Variants in ROR1 observed in about 807,000 individuals in gnomAD.
ROR1 encodes inactive tyrosine-protein kinase transmembrane receptor ROR1.
Under a neutral mutation model 78.8 loss-of-function variants are expected in ROR1, and 19 were observed. The observed-to-expected ratio is 0.24, with a 90% confidence interval of 0.17 to 0.35. ROR1 has a LOEUF of 0.35. ROR1 is among the 10% of genes least tolerant of loss of function. The pLI is 1.00. For synonymous variants in ROR1, 386 were observed against 433.6 expected, an observed-to-expected ratio of 0.89 and a Z score of 1.36; for missense variants, 917 against 1,177.8, an observed-to-expected ratio of 0.78 and a Z score of 3.24.
intron 1 of ROR1, among the ~76,000 whole-genome samples, chr1:63,847,826 C>T (rs1645090834): frequency 6.6e-6 from 1 of 152,112 alleles, no homozygotes. Context: ...ATACTCCCTG[C>T]TGCTGATAAG....
rs754727384 is a variant in ROR1 at position 64,050,683 on chromosome 1, C to T, written c.452-3C>T. ...TTCTTTTGTTTTTCTTTCATTTCTT[C>T]AGGCCCCCCTCCCACTGCAAGTCCA... On this transcript the variant is annotated splice_region_variant and splice_polypyrimidine_tract_variant and intron_variant, in intron 3 of 8. Coordinates refer to ENST00000371079, the MANE Select transcript of ROR1 (RefSeq NM_005012.4). The T allele has an allele frequency of 2.5e-6, 4 of 1,613,552 alleles. 1 individual carries two copies. In the South Asian group the frequency reaches 4.4e-5, roughly 18 times the overall value.
intron 2 of ROR1, among the ~76,000 whole-genome samples, chr1:64,013,874 T>C (rs1170054503): frequency 4.6e-5 from 7 of 152,264 alleles, no homozygotes; most frequent in African/African-American, 1.4e-4. Flanking sequence ...TAACATGCAG[T>C]AGGAAACATG....
At chr1:63,999,427 A>G (rs1044681118) in intron 1 of ROR1, among the ~76,000 whole-genome samples, 1 of 152,246 alleles carries the variant, frequency 6.6e-6, no homozygotes, top group African/African-American at 2.4e-5. Context: ...CTGGTTTGCC[A>G]TAAGCCACAT....
chr1:63,924,932 C>CTTTTTT (rs751680204), intron 1 of ROR1, among the ~76,000 whole-genome samples: 1 of 85,030 alleles, frequency 1.2e-5, no homozygotes, highest in African/African-American at 3.9e-5. Context: ...AAAGGGGATG[C>CTTTTTT]TTTTTTTTTT....
intron 1 of ROR1, among the ~76,000 whole-genome samples, chr1:63,973,196 TC>T (rs1646132336): frequency 6.6e-6 from 1 of 152,232 alleles, no homozygotes; most frequent in African/African-American, 2.4e-5. Context: ...CTGCCCTGTC[TC>T]CTTCGCAGAG....
rs1487820730 is a variant in ROR1, at chr1:64,083,126, T to C, written c.482+32410T>C. ...TTTGAATCTTATGTTACAGTCATAA[T>C]TGGGAAAGAGTACAGTTAGTCTTGT... On this transcript the variant is annotated intron_variant, in intron 4 of 8. Coordinates refer to ENST00000371079, the MANE Select transcript of ROR1 (RefSeq NM_005012.4). Among the ~76,000 whole-genome samples, 4 of 152,174 alleles carry C rather than the reference T, an allele frequency of 2.6e-5. No individual in the cohort carries two copies. In the East Asian group the frequency reaches 5.8e-4, roughly 22 times the overall value.
chr1:64,076,258 T>C (rs1647049715), intron 4 of ROR1, among the ~76,000 whole-genome samples: 1 of 152,222 alleles, frequency 6.6e-6, no homozygotes, highest in Non-Finnish European at 1.5e-5. Flanking sequence ...TGGACCCTTC[T>C]GTACACACCT....
At chr1:64,108,736 G>T (rs1025583717) in intron 4 of ROR1, among the ~76,000 whole-genome samples, 5 of 152,150 alleles carry the variant, frequency 3.3e-5, no homozygotes, top group African/African-American at 4.8e-5. Context: ...AAATGGAAAA[G>T]TCAGAGAGAT....
intron 8 of ROR1, among the ~76,000 whole-genome samples, chr1:64,165,573 C>A (rs1030074638): frequency 6.6e-6 from 1 of 152,020 alleles, no homozygotes; most frequent in African/African-American, 2.4e-5. Context: ...TAATAAGATC[C>A]CATTTGTCAA....
At chr1:64,080,558 T>A (rs1455852182) in intron 4 of ROR1, among the ~76,000 whole-genome samples, 2 of 152,258 alleles carry the variant, frequency 1.3e-5, no homozygotes, top group East Asian at 1.9e-4. Context: ...CCGTTCTTCA[T>A]GCTGTAGCAA....
intron 1 of ROR1, among the ~76,000 whole-genome samples, chr1:63,894,886 C>T (rs1197985905): frequency 2.6e-5 from 4 of 152,112 alleles, no homozygotes; most frequent in African/African-American, 9.7e-5. Flanking sequence ...CTTAAGTGTA[C>T]TTTATTTTGC....
intron 4 of ROR1, among the ~76,000 whole-genome samples, chr1:64,107,368 A>G (rs1233354359): frequency 6.6e-6 from 1 of 152,352 alleles, no homozygotes; most frequent in Non-Finnish European, 1.5e-5. Flanking sequence ...GTCAAGTGCT[A>G]TACAAATGTG....
At chr1:64,047,774 T>C (rs1646796433) in intron 2 of ROR1, among the ~76,000 whole-genome samples, 1 of 152,186 alleles carries the variant, frequency 6.6e-6, no homozygotes, top group African/African-American at 2.4e-5. Flanking sequence ...TATAGATGTA[T>C]ATAGATTGGA....
chr1:63,887,008 T>C (rs551432213), intron 1 of ROR1, among the ~76,000 whole-genome samples: 62 of 152,312 alleles, frequency 4.1e-4, no homozygotes, highest in Admixed American at 1.0e-3. Flanking sequence ...CCCAAAAGAA[T>C]TTCCTATTTG....
intron 1 of ROR1, among the ~76,000 whole-genome samples, chr1:63,931,980 G>A (rs1557568793): frequency 1.3e-5 from 2 of 152,140 alleles, no homozygotes; most frequent in Non-Finnish European, 2.9e-5. Context: ...CTGGGGTCTA[G>A]GAACGTACCC....
intron 1 of ROR1, among the ~76,000 whole-genome samples, chr1:63,966,063 G>T (rs1416065075): frequency 1.3e-5 from 2 of 152,196 alleles, no homozygotes; most frequent in Non-Finnish European, 2.9e-5. Flanking sequence ...TGGGTGTAGT[G>T]CCTGACACAG....
At chr1:63,980,903 C>T (rs1646205037) in intron 1 of ROR1, among the ~76,000 whole-genome samples, 1 of 152,220 alleles carries the variant, frequency 6.6e-6, no homozygotes, top group African/African-American at 2.4e-5. Context: ...GCTCTGCAGG[C>T]TAAGTTTTCA....
At chr1:64,156,305 G>A (rs550736531) in intron 7 of ROR1, among the ~76,000 whole-genome samples, 30 of 152,362 alleles carry the variant, frequency 2.0e-4, no homozygotes, top group South Asian at 1.2e-3. Context: ...GTGGCAGACC[G>A]TCTTCTACTC....
At chr1:64,166,101 A>G (rs1650078457) in intron 8 of ROR1, among the ~76,000 whole-genome samples, 1 of 152,248 alleles carries the variant, frequency 6.6e-6, no homozygotes, top group Non-Finnish European at 1.5e-5. Flanking sequence ...CAGTTATCCC[A>G]GAACCATTTA....
Sources: gnomAD v4.1 joint callset for allele counts (sites outside exome capture counted in the v4.1 genomes callset) on GRCh38, gnomAD v4.1.1 for gene constraint, MANE v1.5 for transcripts, NCBI Gene and HGNC (gene_info 2026-07-23, HGNC 2026-07-21) for gene names.